KCTD3: variants seen among roughly 807,000 people sequenced by gnomAD.
The protein encoded by KCTD3 is potassium channel tetramerization domain containing 3.
KCTD3 carries 41 observed loss-of-function variants against 85.8 expected under a neutral mutation model. That is an observed-to-expected ratio of 0.48 (90% CI 0.37 to 0.62). The LOEUF is 0.62. Among genes scored for constraint, KCTD3 ranks in the 20% least tolerant of loss-of-function variants. The probability of loss-of-function intolerance (pLI) is 0.00; values close to 1 mark genes in which losing one functional copy is unlikely to be tolerated. For missense variants in KCTD3, 724 were observed against 989.9 expected, an observed-to-expected ratio of 0.73 and a Z score of 3.60; for synonymous variants, 338 against 345.4, an observed-to-expected ratio of 0.98 and a Z score of 0.24.
intron 14 of KCTD3, among the ~76,000 whole-genome samples, chr1:215,608,935 T>C (rs1655136637): frequency 6.6e-6 from 1 of 152,032 alleles, no homozygotes; most frequent in African/African-American, 2.4e-5. Flanking sequence ...TATATTGTTA[T>C]TTATTCAACA....
chr1:215,571,381 T>G (rs1014624499), intron 1 of KCTD3, among the ~76,000 whole-genome samples: 12 of 152,184 alleles, frequency 7.9e-5, no homozygotes, highest in Non-Finnish European at 1.6e-4. Context: ...AGTGTTTTCT[T>G]AAAGTGACTC....
chr1:215,610,960 G>A (rs1655209424), intron 14 of KCTD3, among the ~76,000 whole-genome samples: 1 of 151,548 alleles, frequency 6.6e-6, no homozygotes, highest in Admixed American at 6.6e-5. Flanking sequence ...TAACATAACG[G>A]GATATATTGT....
chr1:215,606,866 C>T (rs1237883745), intron 13 of KCTD3, among the ~76,000 whole-genome samples: 1 of 151,830 alleles, frequency 6.6e-6, no homozygotes, highest in Admixed American at 6.6e-5. Flanking sequence ...CTAATATTAG[C>T]AAAATTGACG....
chr1:215,588,590 C>T (rs540062886), intron 9 of KCTD3, among the ~76,000 whole-genome samples: 8 of 152,156 alleles, frequency 5.3e-5, no homozygotes, highest in Admixed American at 3.3e-4. Context: ...TAAATGTCAA[C>T]ACAGATGTTC....
At chr1:215,615,544 C>T (rs1259849841) in intron 15 of KCTD3, among the ~76,000 whole-genome samples, 10 of 151,324 alleles carry the variant, frequency 6.6e-5, no homozygotes, top group East Asian at 3.9e-4. Flanking sequence ...GGCATGAACC[C>T]GGGAGATGGA....
At chr1:215,587,564 A>T (rs1660058442) in intron 9 of KCTD3, among the ~76,000 whole-genome samples, 1 of 152,208 alleles carries the variant, frequency 6.6e-6, no homozygotes, top group Non-Finnish European at 1.5e-5. Context: ...TTTTCCAAAA[A>T]TGTGTGAGAA....
At chr1:215,595,530 A>T in intron 10 of KCTD3, 59 bp downstream of exon 10, 4 of 956,970 alleles carry the variant, frequency 4.2e-6, no homozygotes, top group South Asian at 1.6e-5. Flanking sequence ...CTGATTATGT[A>T]TTTTTTTTTT....
intron 4 of KCTD3, 74 bp downstream of exon 4, chr1:215,576,048 A>C: frequency 1.2e-6 from 1 of 867,740 alleles, no homozygotes; most frequent in Non-Finnish European, 1.8e-6. Flanking sequence ...ATGAAATAAA[A>C]GGTTTTTTTT....
At chr1:215,618,703 T>C in intron 15 of KCTD3, 183 bp from the exon 16 acceptor site, 6 of 560,204 alleles carry the variant, frequency 1.1e-5, no homozygotes, top group Non-Finnish European at 1.6e-5. Context: ...GCCATCTCCA[T>C]AGAGCTGTAT....
At chr1:215,573,899 T>C in intron 2 of KCTD3, 60 bp downstream of exon 2, 1 of 1,140,838 alleles carries the variant, frequency 8.8e-7, no homozygotes, top group Non-Finnish European at 1.3e-6. Context: ...AATATAATAA[T>C]GTTTGTCAGT....
chr1:215,595,763 A>G (rs560216791), intron 10 of KCTD3, among the ~76,000 whole-genome samples: 6 of 152,286 alleles, frequency 3.9e-5, no homozygotes, highest in African/African-American at 1.4e-4. Context: ...TTTTATTTCC[A>G]GAATAGGAGC....
At position 215,604,194 on chromosome 1, in the gene KCTD3, G is replaced by A; in HGVS notation, c.1201G>A (p.Val401Ile). ...GAGCTCTGGAGCAGTACGAGTGATTGTACAACACCCAGAGACAGTTGGGTC... is the reference window on the plus strand; with the variant it reads ...GAGCTCTGGAGCAGTACGAGTGATTATACAACACCCAGAGACAGTTGGGTC... ...GTSSGAVRVI[V>I]QHPETVGSGP... The change falls in exon 13 of 18, where the codon GTA (valine) becomes ATA (isoleucine). Residue 401 changes from valine to isoleucine, a missense_variant. This residue lies in a region of KCTD3 where 146 missense variants were observed against 320.3 expected (regional missense o/e 0.46). Transcript: ENST00000259154. 3.1e-6 allele frequency: 5 copies of A among 1,613,762 alleles called. No individual in the cohort carries two copies. The highest frequency in any genetic ancestry group is 4.2e-6 in the Non-Finnish European group (5 of 1,179,746).
intron 10 of KCTD3, among the ~76,000 whole-genome samples, chr1:215,597,672 A>G (rs1037439690): frequency 6.6e-6 from 1 of 152,152 alleles, no homozygotes; most frequent in African/African-American, 2.4e-5. Context: ...CAAGAATTCA[A>G]AGTGAATTTC....
intron 9 of KCTD3, among the ~76,000 whole-genome samples, chr1:215,592,287 C>G (rs1660255497): frequency 6.6e-6 from 1 of 152,072 alleles, no homozygotes; most frequent in African/African-American, 2.4e-5. Context: ...TGGGGCTTGT[C>G]AGTGTGTTTC....
rs1381188826 is a variant in KCTD3 at position 215,578,080 on chromosome 1, A to C, written c.396A>C (p.Pro132=). 1 of 1,608,976 alleles carries C rather than the reference A, an allele frequency of 6.2e-7. No homozygotes were observed. The highest frequency in any genetic ancestry group is 1.3e-5 in the African/African-American group (1 of 74,838). The stretch of plus-strand genomic sequence containing the variant: ...TTTTTCATGGTTACTTGCCCCCACC[A>C]GGTATTTTCACTTTATTAAATCTTT... ...SVLFHGYLPP[P]GIPSRKINNT... Residue 132 remains proline, a splice_region_variant and synonymous_variant, in exon 6 of 18, where the codon CCA becomes CCC. Coordinates refer to ENST00000259154, the MANE Select transcript of KCTD3 (RefSeq NM_016121.5).
chr1:215,588,002 G>A (rs1334195006), intron 9 of KCTD3, among the ~76,000 whole-genome samples: 1 of 152,160 alleles, frequency 6.6e-6, no homozygotes, highest in South Asian at 2.1e-4. Context: ...TGAGGGAGTT[G>A]TCACACTCAC....
In KCTD3 at chr1:215,602,448, ATAT is replaced by A. The variant is rs754104380; in HGVS notation, c.1138+254_1138+256del. 4.0e-4 allele frequency among the ~76,000 whole-genome samples: 61 copies of A among 152,066 alleles called. No homozygotes were observed. The East Asian group carries it at 8.3e-3, about 21-fold the overall frequency. The stretch of plus-strand genomic sequence containing the variant: ...TACGCTGAATTGCATTTGTTGAGCC[ATAT>A]TATTATAATGTTAGCTGAAATTTCA... On this transcript the variant is annotated intron_variant, in intron 12 of 17. Coordinates refer to ENST00000259154, the MANE Select transcript of KCTD3 (RefSeq NM_016121.5).
At chr1:215,593,892 G>A (rs905317788) in intron 9 of KCTD3, among the ~76,000 whole-genome samples, 9 of 118,960 alleles carry the variant, frequency 7.6e-5, no homozygotes, top group Non-Finnish European at 1.5e-4. Context: ...ACAGTGTCTT[G>A]CTCTGTCACC....
At position 215,575,953 on chromosome 1, in the gene KCTD3, G is replaced by A. The variant is rs1659557685; in HGVS notation, c.236G>A (p.Arg79Gln). Residue 79 changes from arginine to glutamine, a missense_variant, in exon 4 of 18, where the codon CGG becomes CAG. By Grantham distance (43) the Arg-to-Gln change is conservative (BLOSUM62 1). Around this residue, in one of 6 missense-constraint regions of KCTD3, gnomAD observed 97 missense variants for 115.7 expected, o/e 0.84. Transcript: ENST00000259154. ...AAFAPILNFL[R>Q]TKELDLRGVS... ...TTTGCACCCATTTTAAATTTTCTTC[G>A]GACAAAAGAACTAGACTTAAGGTAA... 2.6e-6 allele frequency: 4 copies of A among 1,550,218 alleles called. No individual in the cohort carries two copies. Among genetic ancestry groups the A allele is most frequent in the Admixed American group, 1.9e-5 (1 of 52,854 alleles).
Sources: allele counts gnomAD v4.1 joint callset (sites outside exome capture counted in the v4.1 genomes callset), GRCh38; gene constraint gnomAD v4.1.1; regional missense constraint gnomAD v4.1.1; transcripts MANE v1.5; gene names NCBI Gene and HGNC (gene_info 2026-07-23, HGNC 2026-07-21).